SLC38A1: variants seen among roughly 807,000 people sequenced by gnomAD.
The protein encoded by SLC38A1 is solute carrier family 38 member 1, also known as sodium-coupled neutral amino acid symporter 1.
A neutral mutation model predicts 60.3 loss-of-function variants in SLC38A1; 18 were observed. The observed-to-expected ratio is 0.30, with a 90% CI of 0.21 to 0.44. SLC38A1 has a LOEUF of 0.44. Among genes scored for constraint, SLC38A1 ranks in the 20% least tolerant of loss-of-function variants. The pLI is 1.00. For missense variants in SLC38A1, 448 were observed against 587.2 expected (o/e 0.76, Z 2.45); for synonymous variants, 196 against 212.1 (o/e 0.92, Z 0.66).
chr12:46,186,738 T>G lies in SLC38A1; in HGVS notation c.*2232A>C, dbSNP rs997534192. The G allele has an allele frequency of 2.6e-5, 4 of 152,168 alleles. No homozygotes were observed. Among genetic ancestry groups the G allele is most frequent in the Non-Finnish European group, 5.9e-5 (4 of 68,014 alleles). 9.4% of individuals were successfully genotyped at this position (152,168 alleles called of 1,614,324 possible). On this transcript the variant is annotated 3_prime_UTR_variant, in exon 17 of 17. Transcript: ENST00000398637. ...AATAAATATTCCTTGTATTGACACA[T>G]GAAACCCAGAGGCCCAAAAATATCA...
At chr12:46,254,736 G>A (rs1941965750) in intron 1 of SLC38A1, 1 of 152,354 alleles carries the variant, frequency 6.6e-6, no homozygotes. Flanking sequence ...TTCTCCAATT[G>A]TGTCCTGTTA....
chr12:46,214,089 G>T (rs997577089), intron 5 of SLC38A1, among the ~76,000 whole-genome samples: 1 of 152,296 alleles, frequency 6.6e-6, no homozygotes, highest in Middle Eastern at 3.4e-3. Flanking sequence ...AATCTTTTCT[G>T]CAGTCATTGC....
Position 46,250,157 on chromosome 12 carries a change from T to C in SLC38A1, c.-208-6843A>G, listed in dbSNP as rs541756154. Among the ~76,000 whole-genome samples, 3 of 152,330 alleles carry C rather than the reference T, an allele frequency of 2.0e-5. No homozygotes were observed. The South Asian group carries it at 6.2e-4, about 32-fold the overall frequency. On this transcript the variant is annotated intron_variant, in intron 1 of 16. Transcript: ENST00000398637. ...ATCCACCACAATCAAATTGACTTCA[T>C]CTCTGGGATGCAAGGTTGGTTCAAC... is the stretch of plus-strand genomic sequence containing the variant.
chr12:46,200,174 T>C (rs1939588010), intron 13 of SLC38A1, among the ~76,000 whole-genome samples: 1 of 152,178 alleles, frequency 6.6e-6, no homozygotes, highest in African/African-American at 2.4e-5. Flanking sequence ...AAATTAAATG[T>C]GGTATTTATG....
chr12:46,188,355 C>T lies in SLC38A1; in HGVS notation c.*615G>A, dbSNP rs2136815562. ...AATAGATGTGGTACCAGCTAGGCCACTGGACTACCCGAGTTCAGCTGCCAG... is the reference window on the plus strand; with the variant it reads ...AATAGATGTGGTACCAGCTAGGCCATTGGACTACCCGAGTTCAGCTGCCAG... On this transcript the variant is annotated 3_prime_UTR_variant, in exon 17 of 17. Coordinates refer to ENST00000398637, the MANE Select transcript of SLC38A1 (RefSeq NM_030674.4). 1 of 152,674 alleles carries T rather than the reference C, an allele frequency of 6.5e-6. No individual in the cohort carries two copies. The highest frequency in any genetic ancestry group is 6.5e-5 in the Admixed American group (1 of 15,288). 9.5% of individuals were successfully genotyped at this position (152,674 alleles called of 1,614,324 possible). A position where few individuals can be genotyped will look rare whatever the true frequency, so the allele number is the denominator to read the frequency against.
chr12:46,186,129 G>A lies in SLC38A1; in HGVS notation c.*2841C>T, dbSNP rs1363033548. On this transcript the variant is annotated 3_prime_UTR_variant, in exon 17 of 17. Transcript: ENST00000398637. Reference sequence around the variant, plus strand: ...GTCTCTAAAGGAAAATACATTCCAGGTTGCAAACAACCAACTGACAACCTT... The same window carrying A: ...GTCTCTAAAGGAAAATACATTCCAGATTGCAAACAACCAACTGACAACCTT... 6.6e-6 allele frequency: 1 copy of A among 152,158 alleles called. No individual in the cohort carries two copies. Among genetic ancestry groups the A allele is most frequent in the Non-Finnish European group, 1.5e-5 (1 of 68,034 alleles). 9.4% of individuals were successfully genotyped at this position (152,158 alleles called of 1,614,324 possible).
rs1273853884 is a variant in SLC38A1 at position 46,184,472 on chromosome 12, T to G, written c.*4498A>C. ...CCTATAAGCCTAAAGCCATTTAAAT[T>G]GATAAACTGAGAGAGACTAATAGAT... On this transcript the variant is annotated 3_prime_UTR_variant, in exon 17 of 17. Transcript: ENST00000398637. 1 of 152,206 alleles carries G rather than the reference T, an allele frequency of 6.6e-6. No individual in the cohort carries two copies. Among genetic ancestry groups the G allele is most frequent in the Non-Finnish European group, 1.5e-5 (1 of 68,042 alleles). The allele number at this position is 152,206 out of a possible 1,614,324, so 9.4% of individuals were successfully genotyped here.
intron 5 of SLC38A1, among the ~76,000 whole-genome samples, chr12:46,223,542 C>T (rs532972474): frequency 2.0e-5 from 3 of 152,050 alleles, no homozygotes; most frequent in Non-Finnish European, 4.4e-5. Flanking sequence ...TCCTTGCATG[C>T]CACTTTTCAA....
Position 46,188,888 on chromosome 12 carries a change from G to T in SLC38A1, c.*82C>A. ...CATTTCTGTTTGCTTCTGTAAACTT[G>T]CAAAAGAAGTGGTGAGAGATTGCTG... is the stretch of plus-strand genomic sequence containing the variant. On this transcript the variant is annotated 3_prime_UTR_variant, in exon 17 of 17. Coordinates refer to ENST00000398637, the MANE Select transcript of SLC38A1 (RefSeq NM_030674.4). 1 of 1,162,204 alleles carries T rather than the reference G, an allele frequency of 8.6e-7. No homozygotes were observed. The highest frequency in any genetic ancestry group is 1.3e-6 in the Non-Finnish European group (1 of 787,794). The allele number at this position is 1,162,204 out of a possible 1,614,324, so 72.0% of individuals were successfully genotyped here.
intron 5 of SLC38A1, among the ~76,000 whole-genome samples, chr12:46,217,779 G>A (rs1592101805): frequency 6.6e-6 from 1 of 152,202 alleles, no homozygotes. Flanking sequence ...CATGTATAAT[G>A]CTTACAAATT....
intron 1 of SLC38A1, among the ~76,000 whole-genome samples, chr12:46,253,249 T>C (rs144708346): frequency 1.9e-3 from 282 of 152,270 alleles, no homozygotes; most frequent in African/African-American, 6.5e-3. Flanking sequence ...AAGAGGGTTC[T>C]TGGATCTCAG....
chr12:46,253,216 A>C (rs757462943), intron 1 of SLC38A1, among the ~76,000 whole-genome samples: 21 of 152,186 alleles, frequency 1.4e-4, no homozygotes, highest in South Asian at 2.1e-4. Flanking sequence ...GTTACAAGAA[A>C]GGGGTCCTGA....
intron 5 of SLC38A1, among the ~76,000 whole-genome samples, chr12:46,218,539 C>A (rs1000933278): frequency 1.3e-5 from 2 of 152,052 alleles, no homozygotes; most frequent in Non-Finnish European, 2.9e-5. Context: ...GCTCTCCTCC[C>A]CACAGATGTC....
intron 1 of SLC38A1, among the ~76,000 whole-genome samples, chr12:46,248,109 G>C (rs952612500): frequency 2.0e-5 from 3 of 152,164 alleles, no homozygotes; most frequent in African/African-American, 7.2e-5. Context: ...CATCGATGCT[G>C]TGAAGAAACT....
chr12:46,196,574 G>A (rs1160944637), intron 16 of SLC38A1, among the ~76,000 whole-genome samples: 2 of 152,126 alleles, frequency 1.3e-5, no homozygotes, highest in African/African-American at 4.8e-5. Flanking sequence ...AAGGATTTGG[G>A]AATTAAGGCT....
chr12:46,254,224 C>G (rs1360841680), intron 1 of SLC38A1, among the ~76,000 whole-genome samples: 3 of 152,176 alleles, frequency 2.0e-5, no homozygotes, highest in African/African-American at 7.2e-5. Context: ...ACTCATCCCT[C>G]TTGTTTCTTC....
chr12:46,256,613 GCA>G (rs566800141), intron 1 of SLC38A1, among the ~76,000 whole-genome samples: 78 of 107,526 alleles, frequency 7.3e-4, no homozygotes, highest in Admixed American at 5.7e-3. Flanking sequence ...GCGCGCGCGC[GCA>G]CACACACACA....
chr12:46,261,235 C>T (rs1942187021), intron 1 of SLC38A1, among the ~76,000 whole-genome samples: 1 of 152,206 alleles, frequency 6.6e-6, no homozygotes, highest in Non-Finnish European at 1.5e-5. Flanking sequence ...ATGACCAACG[C>T]AGGCATTGCC....
chr12:46,251,644 A>C (rs1565793460), intron 1 of SLC38A1, among the ~76,000 whole-genome samples: 1 of 152,240 alleles, frequency 6.6e-6, no homozygotes, highest in Admixed American at 6.5e-5. Flanking sequence ...TTTCAAGAAA[A>C]AAACAAACAA....
Sources: gnomAD v4.1 joint callset for allele counts (sites outside exome capture counted in the v4.1 genomes callset) on GRCh38, gnomAD v4.1.1 for gene constraint, MANE v1.5 for transcripts, NCBI Gene and HGNC (gene_info 2026-07-23, HGNC 2026-07-21) for gene names.